EEFSEC: variants seen among roughly 807,000 people sequenced by gnomAD.
EEFSEC encodes the protein eukaryotic elongation factor, selenocysteine-tRNA specific.
EEFSEC carries 43 observed loss-of-function variants against 42.1 expected under a neutral mutation model. The ratio of observed to expected loss-of-function variants is 1.02; its 90% CI spans 0.80 to 1.32. The LOEUF is 1.32. Ranked by LOEUF, EEFSEC falls within the 40% of genes most tolerant of loss-of-function variation. The probability of loss-of-function intolerance (pLI) is 0.00; values close to 1 mark genes in which losing one functional copy is unlikely to be tolerated. For missense variants in EEFSEC, 745 were observed against 803.6 expected, an observed-to-expected ratio of 0.93 and a Z score of 0.88; for synonymous variants, 354 against 339.1, an observed-to-expected ratio of 1.04 and a Z score of -0.48.
intron 1 of EEFSEC, among the ~76,000 whole-genome samples, chr3:128,183,361 C>T (rs570078163): frequency 6.6e-6 from 1 of 152,294 alleles, no homozygotes; most frequent in South Asian, 2.1e-4. Flanking sequence ...ACCTGTTGGG[C>T]TCCCAAGCCC....
intron 1 of EEFSEC, among the ~76,000 whole-genome samples, chr3:128,160,671 C>A (rs1308556763): frequency 3.3e-5 from 5 of 152,166 alleles, no homozygotes; most frequent in Admixed American, 2.0e-4. Context: ...AAGATTTAGA[C>A]CCCCTGTGGA....
chr3:128,263,818 G>T (rs1235961566), intron 3 of EEFSEC, among the ~76,000 whole-genome samples: 1 of 152,274 alleles, frequency 6.6e-6, no homozygotes, highest in Non-Finnish European at 1.5e-5. Context: ...CAGGTGGCAT[G>T]AGGAGAATCG....
chr3:128,184,744 T>C (rs1049219211), intron 1 of EEFSEC, among the ~76,000 whole-genome samples: 1 of 152,224 alleles, frequency 6.6e-6, no homozygotes, highest in African/African-American at 2.4e-5. Flanking sequence ...TTATCTCTTA[T>C]AGAATGAACT....
downstream of EEFSEC, among the ~76,000 whole-genome samples, chr3:128,413,386 C>T (rs185887767): frequency 3.8e-3 from 584 of 152,270 alleles, 2 homozygotes; most frequent in African/African-American, 0.013. Context: ...CCTTGTGCTC[C>T]CTGGGGCAAG....
rs529950150 is a variant in EEFSEC, at chr3:128,307,605, G to T, written c.787-33628G>T. The stretch of plus-strand genomic sequence containing the variant: ...GGGGTTCAGCGAATATTGGCTGGAT[G>T]AACTGGGCAAAGTATTGACTGAGCT... On this transcript the variant is annotated intron_variant, in intron 4 of 6. Transcript: ENST00000254730. Among the ~76,000 whole-genome samples the T allele has an allele frequency of 2.6e-5, 4 of 152,336 alleles. No individual in the cohort carries two copies. In the South Asian group the frequency reaches 8.3e-4, roughly 32 times the overall value.
chr3:128,264,643 A>G lies in EEFSEC; in HGVS notation c.648A>G (p.Pro216=). ...TCCTGACGTCCCAGATTTCCATCCC[A>G]ACGAGAGATCCCTCGGGACCGTTCC... is the stretch of plus-strand genomic sequence containing the variant. ...IELLTSQISI[P]TRDPSGPFLM... is the part of the protein sequence containing the mutation. Residue 216 remains proline (P), a synonymous_variant, in exon 4 of 7, where the codon CCA becomes CCG. Transcript: ENST00000254730. 1 of 1,613,842 alleles carries G rather than the reference A, an allele frequency of 6.2e-7. No homozygotes were observed.
chr3:128,217,242 C>T (rs1360267385), intron 1 of EEFSEC, among the ~76,000 whole-genome samples: 1 of 152,132 alleles, frequency 6.6e-6, no homozygotes, highest in Non-Finnish European at 1.5e-5. Flanking sequence ...ATGTAATCCT[C>T]ATCCCTCACT....
chr3:128,409,612 G>A (rs1576714591), downstream of EEFSEC, among the ~76,000 whole-genome samples: 1 of 152,356 alleles, frequency 6.6e-6, no homozygotes. Flanking sequence ...ATTGGCCCTG[G>A]AGGAACGTGA....
chr3:128,335,274 G>A (rs1308376217), intron 4 of EEFSEC, among the ~76,000 whole-genome samples: 1 of 152,216 alleles, frequency 6.6e-6, no homozygotes, highest in Non-Finnish European at 1.5e-5. Context: ...TGAACAAAGG[G>A]ATGCCAAGCG....
At chr3:128,158,750 G>T (rs1045312759) in intron 1 of EEFSEC, among the ~76,000 whole-genome samples, 1 of 152,056 alleles carries the variant, frequency 6.6e-6, no homozygotes, top group Non-Finnish European at 1.5e-5. Context: ...TTGCTTTATT[G>T]TGATATTCAC....
At chr3:128,401,652 G>C (rs746084411) in intron 6 of EEFSEC, among the ~76,000 whole-genome samples, 6 of 152,170 alleles carry the variant, frequency 3.9e-5, no homozygotes, top group Non-Finnish European at 5.9e-5. Context: ...CTGAGAGAGA[G>C]GCCAGAAAGA....
At chr3:128,204,779 C>A (rs1328114066) in intron 1 of EEFSEC, among the ~76,000 whole-genome samples, 1 of 152,132 alleles carries the variant, frequency 6.6e-6, no homozygotes. Flanking sequence ...GTGAGACCCT[C>A]CCGAGCTCAG....
At chr3:128,201,659 G>T (rs1415386961) in intron 1 of EEFSEC, among the ~76,000 whole-genome samples, 1 of 151,982 alleles carries the variant, frequency 6.6e-6, no homozygotes, top group African/African-American at 2.4e-5. Context: ...ACAATTTATG[G>T]CTTACCTATT....
At chr3:128,283,251 T>C (rs1335475241) in intron 4 of EEFSEC, among the ~76,000 whole-genome samples, 1 of 151,610 alleles carries the variant, frequency 6.6e-6, no homozygotes, top group Non-Finnish European at 1.5e-5. Context: ...AGGATACTGA[T>C]TCAGCTCCAG....
At chr3:128,288,799 A>C (rs973586941) in intron 4 of EEFSEC, among the ~76,000 whole-genome samples, 3 of 152,230 alleles carry the variant, frequency 2.0e-5, no homozygotes, top group Admixed American at 2.0e-4. Context: ...GGCCTGTGCT[A>C]TTGGACTGGG....
rs147709806 is a variant in EEFSEC at position 128,408,109 on chromosome 3, C to A, written c.1641C>A (p.Ala547=). Residue 547 remains alanine, a synonymous_variant, in exon 7 of 7, where the codon GCC becomes GCA. Transcript: ENST00000254730. ...AGTCCAAGAAGATCCTGACACCCGC[C>A]CTCAAGAAGCGGGCCCGGGCTGGCC... is the stretch of plus-strand genomic sequence containing the variant. ...SPESKKILTP[A]LKKRARAGRG... is the part of the protein sequence containing the mutation. 3 of 1,604,294 alleles carry A rather than the reference C, an allele frequency of 1.9e-6. No homozygotes were observed. The South Asian group carries it at 3.3e-5, about 18-fold the overall frequency.
intron 4 of EEFSEC, among the ~76,000 whole-genome samples, chr3:128,276,206 G>A (rs988553422): frequency 6.6e-6 from 1 of 152,220 alleles, no homozygotes; most frequent in African/African-American, 2.4e-5. Context: ...CTGCCTAGCA[G>A]GGTCTAATTC....
chr3:128,156,468 G>A (rs1944383448), intron 1 of EEFSEC, among the ~76,000 whole-genome samples: 1 of 152,174 alleles, frequency 6.6e-6, no homozygotes, highest in Non-Finnish European at 1.5e-5. Flanking sequence ...TCATGTTATT[G>A]TGCTTCACTT....
intron 1 of EEFSEC, among the ~76,000 whole-genome samples, chr3:128,244,658 A>G (rs1424139521): frequency 6.6e-6 from 1 of 152,122 alleles, no homozygotes; most frequent in Admixed American, 6.5e-5. Flanking sequence ...TTTCCTTCCT[A>G]CTCATCTTTG....
Sources: allele counts gnomAD v4.1 joint callset (sites outside exome capture counted in the v4.1 genomes callset), GRCh38; gene constraint gnomAD v4.1.1; transcripts MANE v1.5; gene names NCBI Gene and HGNC (gene_info 2026-07-23, HGNC 2026-07-21).